Variants in TCF4 observed in about 807,000 individuals in gnomAD.
The protein encoded by TCF4 is SL3-3 enhancer factor 2.
Under a neutral mutation model 82.1 loss-of-function variants are expected in TCF4, and 3 were observed. The observed-to-expected ratio is 0.04, with a 90% CI of 0.02 to 0.09. The LOEUF is 0.09. Among genes scored for constraint, TCF4 ranks in the 10% least tolerant of loss-of-function variants. The probability of loss-of-function intolerance (pLI) is 1.00; values close to 1 mark genes in which losing one functional copy is unlikely to be tolerated. For missense variants in TCF4, 518 were observed against 852.7 expected (o/e 0.61, Z 4.89); for synonymous variants, 276 against 309.6 (o/e 0.89, Z 1.14).
intron 5 of TCF4, among the ~76,000 whole-genome samples, chr18:55,427,747 A>G (rs2095045950): frequency 6.6e-6 from 1 of 152,214 alleles, no homozygotes; most frequent in African/African-American, 2.4e-5. Context: ...TATGTTCACC[A>G]CTATATTCAC....
chr18:55,564,818 T>C (rs1229620042), intron 3 of TCF4, among the ~76,000 whole-genome samples: 1 of 152,166 alleles, frequency 6.6e-6, no homozygotes, highest in Non-Finnish European at 1.5e-5. Flanking sequence ...TACTATGTGT[T>C]AGAAATGGGC....
At chr18:55,390,305 A>AG in intron 6 of TCF4, among the ~76,000 whole-genome samples, 4 of 150,420 alleles carry the variant, frequency 2.7e-5, no homozygotes, top group African/African-American at 7.3e-5. Context: ...AAAAAAAAAA[A>AG]AAAAAGAAAG....
At chr18:55,454,486 G>C (rs1342463889) in intron 5 of TCF4, among the ~76,000 whole-genome samples, 1 of 152,086 alleles carries the variant, frequency 6.6e-6, no homozygotes, top group Admixed American at 6.5e-5. Context: ...GCTAAATACT[G>C]ATCTATGCAC....
At chr18:55,467,376 C>T (rs2096054214) in intron 3 of TCF4, among the ~76,000 whole-genome samples, 1 of 152,194 alleles carries the variant, frequency 6.6e-6, no homozygotes, top group Non-Finnish European at 1.5e-5. Flanking sequence ...CCACCTGAAT[C>T]ACCTGTATGC....
chr18:55,403,914 C>G, intron 5 of TCF4: 18 of 1,414,622 alleles, frequency 1.3e-5, no homozygotes, highest in Non-Finnish European at 1.6e-5. Context: ...TATATTGACA[C>G]TTAATAGTGA....
At chr18:55,353,981 G>T (rs1462622798) in intron 6 of TCF4, among the ~76,000 whole-genome samples, 1 of 152,160 alleles carries the variant, frequency 6.6e-6, no homozygotes, top group Non-Finnish European at 1.5e-5. Context: ...ATGTTCTGCG[G>T]TTATGCTGGG....
intron 15 of TCF4, among the ~76,000 whole-genome samples, chr18:55,239,443 G>C (rs1301307620): frequency 6.6e-6 from 1 of 152,164 alleles, no homozygotes; most frequent in Non-Finnish European, 1.5e-5. Flanking sequence ...ATATAGGAGA[G>C]GGGAGGAGAG....
At chr18:55,511,339 A>AAG (rs1373364781) in intron 3 of TCF4, among the ~76,000 whole-genome samples, 2 of 150,824 alleles carry the variant, frequency 1.3e-5, no homozygotes, top group African/African-American at 4.9e-5. Flanking sequence ...TTTAAAAAAA[A>AAG]AAAAAAAAAA....
rs1490758379 is a variant in TCF4 at position 55,227,144 on chromosome 18, G to T, written c.*891C>A. ...CAACTTTCTACTTATTTATGAATGA[G>T]AAGCAACATCAGGGTCAGCATTTCA... On this transcript the variant is annotated 3_prime_UTR_variant, in exon 20 of 20. Coordinates refer to ENST00000354452, the MANE Select transcript of TCF4 (RefSeq NM_001083962.2). The T allele has an allele frequency of 6.6e-6, 1 of 151,760 alleles. No individual in the cohort carries two copies. Among genetic ancestry groups the T allele is most frequent in the Non-Finnish European group, 1.5e-5 (1 of 67,946 alleles). 9.4% of individuals were successfully genotyped at this position (151,760 alleles called of 1,614,324 possible).
intron 3 of TCF4, among the ~76,000 whole-genome samples, chr18:55,557,902 T>C (rs995013596): frequency 6.6e-6 from 1 of 152,230 alleles, no homozygotes; most frequent in African/African-American, 2.4e-5. Context: ...AGTAATCACA[T>C]GGAGTGGGAA....
intron 3 of TCF4, among the ~76,000 whole-genome samples, chr18:55,507,037 A>G (rs143110855): frequency 1.9e-3 from 288 of 151,814 alleles, no homozygotes; most frequent in African/African-American, 6.6e-3. Context: ...TAATTTTTGT[A>G]TTTTTAGTAG....
chr18:55,574,159 T>G (rs1016523270), intron 3 of TCF4, among the ~76,000 whole-genome samples: 1 of 152,134 alleles, frequency 6.6e-6, no homozygotes, highest in African/African-American at 2.4e-5. Flanking sequence ...AAGGGCCAAT[T>G]TCCATAAGCA....
At chr18:55,471,144 A>G (rs1005418778) in intron 3 of TCF4, among the ~76,000 whole-genome samples, 23 of 152,218 alleles carry the variant, frequency 1.5e-4, no homozygotes, top group African/African-American at 5.5e-4. Context: ...ATTAGCACCC[A>G]GTATAATAAG....
chr18:55,590,370 C>T (rs996550973), upstream of TCF4, among the ~76,000 whole-genome samples: 4 of 152,200 alleles, frequency 2.6e-5, no homozygotes, highest in South Asian at 6.2e-4. Context: ...TCTTATAGAG[C>T]GCTGGAAGTG....
chr18:55,271,247 C>T (rs1392878362), intron 10 of TCF4, among the ~76,000 whole-genome samples: 4 of 152,112 alleles, frequency 2.6e-5, no homozygotes, highest in Admixed American at 2.6e-4. Context: ...TTGTCTTTAA[C>T]ACTTAATTAT....
intron 3 of TCF4, among the ~76,000 whole-genome samples, chr18:55,540,171 C>T (rs2097153660): frequency 6.6e-6 from 1 of 151,742 alleles, no homozygotes. Context: ...AGGCAATACA[C>T]AAATACTAGT....
At chr18:55,490,547 TCAA>T (rs1037854819) in intron 3 of TCF4, among the ~76,000 whole-genome samples, 6 of 152,064 alleles carry the variant, frequency 3.9e-5, no homozygotes, top group South Asian at 2.1e-4. Flanking sequence ...GTGTTTATTA[TCAA>T]CAACTGCTGA....
chr18:55,614,139 C>T (rs2097709678), intron 2 of TCF4, among the ~76,000 whole-genome samples: 1 of 152,170 alleles, frequency 6.6e-6, no homozygotes, highest in African/African-American at 2.4e-5. Context: ...AAGTGAGCCT[C>T]CCGCCTTAGC....
At chr18:55,355,017 T>A (rs749119265) in intron 6 of TCF4, among the ~76,000 whole-genome samples, 4 of 152,198 alleles carry the variant, frequency 2.6e-5, no homozygotes, top group African/African-American at 7.2e-5. Context: ...TTTTCTGAAC[T>A]ATTGCCAAAT....
Sources: allele counts gnomAD v4.1 joint callset (sites outside exome capture counted in the v4.1 genomes callset), GRCh38; gene constraint gnomAD v4.1.1; transcripts MANE v1.5; gene names NCBI Gene and HGNC (gene_info 2026-07-23, HGNC 2026-07-21).